EHMT2: variants seen among roughly 807,000 people sequenced by gnomAD.
EHMT2 encodes the protein histone-lysine N-methyltransferase EHMT2.
EHMT2 carries 59 observed loss-of-function variants against 143.3 expected under a neutral mutation model. The ratio of observed to expected loss-of-function variants is 0.41; its 90% CI spans 0.33 to 0.51. The LOEUF is 0.51. Ranked by LOEUF, EHMT2 falls within the 20% of genes least tolerant of loss-of-function variation. The pLI, the probability that EHMT2 is intolerant of heterozygous loss-of-function variation, is 0.18. For synonymous variants in EHMT2, 604 were observed against 651.5 expected (o/e 0.93, Z 1.11); for missense variants, 1,174 against 1,645.9 (o/e 0.71, Z 4.96).
intron 4 of EHMT2, among the ~76,000 whole-genome samples, chr6:31,894,911 G>C (rs1297419857): frequency 1.3e-5 from 2 of 152,078 alleles, no homozygotes; most frequent in African/African-American, 2.4e-5. Flanking sequence ...CTTGGCCTCT[G>C]AAAGTGTTGA....
chr6:31,895,296 T>C (rs537000273), intron 4 of EHMT2: 1 of 152,362 alleles, frequency 6.6e-6, no homozygotes, highest in South Asian at 2.1e-4. Flanking sequence ...ATCAATAGCT[T>C]GTTATTCTAA....
rs200077766 is a variant in EHMT2 at position 31,888,654 on chromosome 6, C to T, written c.1310G>A (p.Arg437His). The T allele has an allele frequency of 5.0e-6, 8 of 1,613,542 alleles. No homozygotes were observed. The highest frequency in any genetic ancestry group is 5.9e-6 in the Non-Finnish European group (7 of 1,180,014). The change falls in exon 11 of 28, where the codon CGC becomes CAC. Residue 437 changes from arginine to histidine, a missense_variant. By Grantham distance (29) the Arg-to-His change is conservative. Coordinates refer to ENST00000375537, the Ensembl canonical transcript of EHMT2. This position sits in a 1 kb window ranked among gnomAD's most constrained non-coding sequence, Gnocchi z 7.4. ...CTTGTGCCCCGCCCTCTCGCTGATG[C>T]GGTCAATCTTGGGTGCCTCCATGCG...
chr6:31,889,174 C>A lies in EHMT2; in HGVS notation c.1114+54G>T. ...GAGCGTGTGTGTGCGTGCACACACT[C>A]TGGGGGGCCGGGCGGGGGCTGGAGG... On this transcript the variant is annotated intron_variant, in intron 9 of 27. Coordinates refer to ENST00000375537, the Ensembl canonical transcript of EHMT2. This position sits in a 1 kb window ranked among gnomAD's most constrained non-coding sequence, Gnocchi z 5.1. The A allele has an allele frequency of 6.4e-7, 1 of 1,561,060 alleles. No individual in the cohort carries two copies. The highest frequency in any genetic ancestry group is 1.4e-5 in the African/African-American group (1 of 73,734).
chr6:31,889,684 C>G lies in EHMT2; in HGVS notation c.865-82G>C. 1.3e-6 allele frequency: 2 copies of G among 1,550,798 alleles called. No individual in the cohort carries two copies. The highest frequency in any genetic ancestry group is 2.2e-5 in the South Asian group (2 of 89,378). On this transcript the variant is annotated intron_variant, in intron 7 of 27. Transcript: ENST00000375537. The surrounding 1 kb of genome is among the most constrained non-coding windows in gnomAD (Gnocchi z 5.1). ...GTAAAGAAAACCACCACCACCATTG[C>G]CCCCCGCCACTACCCACGGATGGCT...
Position 31,880,455 on chromosome 6 carries a change from G to A in EHMT2, c.3453-191C>T. ...TGCCTGGGGACTTTTTAGAAATGCA[G>A]AATCCTGGGCCCCATCCCAAGCCTA... On this transcript the variant is annotated intron_variant, in intron 27 of 27. Transcript: ENST00000375537. This position sits in a 1 kb window ranked among gnomAD's most constrained non-coding sequence, Gnocchi z 6.6. The A allele has an allele frequency of 1.2e-6, 1 of 837,884 alleles. No homozygotes were observed. The highest frequency in any genetic ancestry group is 1.8e-6 in the Non-Finnish European group (1 of 554,060). The allele number at this position is 837,884 out of a possible 1,614,324, so 51.9% of individuals were successfully genotyped here. A position where few individuals can be genotyped will look rare whatever the true frequency, so the allele number is the denominator to read the frequency against.
At position 31,884,715 on chromosome 6, in the gene EHMT2, G is replaced by A; in HGVS notation, c.2533C>T (p.His845Tyr). The A allele has an allele frequency of 6.3e-7, 1 of 1,594,760 alleles. No individual in the cohort carries two copies. Residue 845 changes from histidine to tyrosine, a missense_variant, in exon 20 of 28, where the codon CAT (histidine) becomes TAT (tyrosine). Physicochemically the swap from His to Tyr is moderately conservative, Grantham distance 83. Around this residue, in one of 6 missense-constraint regions of EHMT2, gnomAD observed 608 missense variants for 903.7 expected, o/e 0.67. Coordinates refer to ENST00000375537, the Ensembl canonical transcript of EHMT2. This position sits in a 1 kb window ranked among gnomAD's most constrained non-coding sequence, Gnocchi z 7.3. ...GTGTCCCCATGGTAGTTGACAGCATGGAGGTCACAGCGCGCATTCAGAAGG... is the reference window on the plus strand; with the variant it reads ...GTGTCCCCATGGTAGTTGACAGCATAGAGGTCACAGCGCGCATTCAGAAGG...
chr6:31,897,558 C>T lies in EHMT2; in HGVS notation c.42+78G>A, dbSNP rs897178459. On this transcript the variant is annotated intron_variant, in intron 1 of 27. Coordinates refer to ENST00000375537, the Ensembl canonical transcript of EHMT2. ...GGGCCCCCCGGCCCCGTTGCACCCCCGGAGCATTGCACGGGCGCGCGCTTC... is the reference window on the plus strand; with the variant it reads ...GGGCCCCCCGGCCCCGTTGCACCCCTGGAGCATTGCACGGGCGCGCGCTTC... 254 of 1,098,716 alleles carry T rather than the reference C, an allele frequency of 2.3e-4. 1 individual carries two copies. The Middle Eastern group carries it at 4.6e-3, about 20-fold the overall frequency. 68.1% of individuals were successfully genotyped at this position (1,098,716 alleles called of 1,614,324 possible).
chr6:31,897,403 C>T (rs1316985369), intron 1 of EHMT2, among the ~76,000 whole-genome samples: 1 of 150,656 alleles, frequency 6.6e-6, no homozygotes, highest in Non-Finnish European at 1.5e-5. Context: ...GGGGCCCCGG[C>T]GCCCGTCGCC....
rs1453368739 is a variant in EHMT2, at chr6:31,884,189, T to G, written c.2771+203A>C. 8 of 726,020 alleles carry G rather than the reference T, an allele frequency of 1.1e-5. No individual in the cohort carries two copies. The highest frequency in any genetic ancestry group is 1.5e-5 in the Non-Finnish European group (7 of 454,890). 45.0% of individuals were successfully genotyped at this position (726,020 alleles called of 1,614,324 possible). On this transcript the variant is annotated intron_variant, in intron 21 of 27. Coordinates refer to ENST00000375537, the Ensembl canonical transcript of EHMT2. The surrounding 1 kb of genome is among the most constrained non-coding windows in gnomAD (Gnocchi z 7.3). ...CTAAAAAAGTATGCATCTGTGCATC[T>G]GAAATTCCAGTTTAACTGGGTGTCT...
chr6:31,884,052 A>T lies in EHMT2; in HGVS notation c.2772-102T>A. On this transcript the variant is annotated intron_variant, in intron 21 of 27. Transcript: ENST00000375537. This position sits in a 1 kb window ranked among gnomAD's most constrained non-coding sequence, Gnocchi z 7.3. Reference sequence around the variant, plus strand: ...TGGGGAGGTTCCTGGGGCTGGGGGCAGGGGAGTAAGGTTGCCAGGTAAGAT... The same window carrying T: ...TGGGGAGGTTCCTGGGGCTGGGGGCTGGGGAGTAAGGTTGCCAGGTAAGAT... The T allele has an allele frequency of 3.0e-6, 4 of 1,316,716 alleles. No individual in the cohort carries two copies. Among genetic ancestry groups the T allele is most frequent in the Non-Finnish European group, 3.1e-6 (3 of 967,958 alleles). The allele number at this position is 1,316,716 out of a possible 1,614,324, so 81.6% of individuals were successfully genotyped here.
chr6:31,885,612 ATGT>A, intron 18 of EHMT2: 1 of 152,456 alleles, frequency 6.6e-6, no homozygotes, highest in Non-Finnish European at 1.5e-5. Context: ...CCAGCTACTC[ATGT>A]GACTGAGATG....
exon 16 of EHMT2, chr6:31,887,037 G>A (rs764861514): frequency 1.4e-5 from 23 of 1,613,740 alleles, no homozygotes; most frequent in Non-Finnish European, 1.8e-5. Context: ...CCTTCTGGGC[G>A]GCTGCATGCA....
chr6:31,891,464 A>G (rs1271890888), intron 7 of EHMT2, among the ~76,000 whole-genome samples: 1 of 152,216 alleles, frequency 6.6e-6, no homozygotes, highest in Non-Finnish European at 1.5e-5. Flanking sequence ...TTTAGGTAAA[A>G]TGATATGAGG....
Position 31,886,907 on chromosome 6 carries a change from G to A in EHMT2, c.2119-10C>T, listed in dbSNP as rs919016262. ...TTATGTTGGCTCCAGCCTGTGAGGG[G>A]GCAGGAGGGCTGGCACCAGGGAGGC... On this transcript the variant is annotated splice_polypyrimidine_tract_variant and intron_variant, in intron 16 of 27. Coordinates refer to ENST00000375537, the Ensembl canonical transcript of EHMT2. The A allele has an allele frequency of 6.2e-6, 10 of 1,614,056 alleles. No homozygotes were observed. The highest frequency in any genetic ancestry group is 4.0e-5 in the African/African-American group (3 of 75,040).
chr6:31,891,831 A>ATAGT (rs1765725972), intron 7 of EHMT2, among the ~76,000 whole-genome samples: 1 of 152,146 alleles, frequency 6.6e-6, no homozygotes, highest in African/African-American at 2.4e-5. Flanking sequence ...TCTTTTTTTA[A>ATAGT]ACAGTACATG....
chr6:31,883,596 G>T lies in EHMT2; in HGVS notation c.2917-157C>A. 1 of 973,274 alleles carries T rather than the reference G, an allele frequency of 1.0e-6. No homozygotes were observed. Among genetic ancestry groups the T allele is most frequent in the Non-Finnish European group, 1.6e-6 (1 of 637,020 alleles). 60.3% of individuals were successfully genotyped at this position (973,274 alleles called of 1,614,324 possible). ...CCTAGGGTGACGGGTAATCAGTATG[G>T]TGGTGTCCCCAGGGCTACTGGGAGC... On this transcript the variant is annotated intron_variant, in intron 22 of 27. Transcript: ENST00000375537. The surrounding 1 kb of genome is among the most constrained non-coding windows in gnomAD (Gnocchi z 5.6).
At chr6:31,885,356 T>G in intron 18 of EHMT2, 1 of 189,776 alleles carries the variant, frequency 5.3e-6, no homozygotes. Flanking sequence ...CAGGCGCCTG[T>G]AGTCCCAGCT....
intron 1 of EHMT2, among the ~76,000 whole-genome samples, chr6:31,897,379 T>C (rs1259434839): frequency 8.1e-6 from 1 of 122,778 alleles, no homozygotes; most frequent in Admixed American, 8.3e-5. Context: ...CTCGTGCCCC[T>C]CACGCGTGCT....
intron 15 of EHMT2, 34 bp downstream of exon 15, chr6:31,887,543 G>A (rs1765034310): frequency 6.2e-7 from 1 of 1,602,678 alleles, no homozygotes; most frequent in Non-Finnish European, 8.5e-7. Flanking sequence ...ATGAAGCTTG[G>A]TCAAGGTCTG....
Sources: gnomAD v4.1 joint callset for allele counts (sites outside exome capture counted in the v4.1 genomes callset) on GRCh38, gnomAD v4.1.1 for gene constraint, gnomAD v4.1.1 regional missense constraint, Gnocchi (gnomAD v3.1) non-coding constraint, MANE v1.5 for transcripts, NCBI Gene and HGNC (gene_info 2026-07-23, HGNC 2026-07-21) for gene names.